The following RGS7 variants were observed in gnomAD, a reference collection of about 807,000 sequenced individuals.
The protein encoded by RGS7 is regulator of G protein signaling 7, also known as regulator of G-protein signaling 7.
RGS7 carries 27 observed loss-of-function variants against 81.1 expected under a neutral mutation model. The observed-to-expected ratio is 0.33, with a 90% CI of 0.25 to 0.46. RGS7 has a LOEUF of 0.46. Ranked by LOEUF, RGS7 falls within the 20% of genes least tolerant of loss-of-function variation. The pLI, the probability that RGS7 is intolerant of heterozygous loss-of-function variation, is 1.00. For missense variants in RGS7, 396 were observed against 607.4 expected (o/e 0.65, Z 3.66); for synonymous variants, 208 against 207.7 (o/e 1.00, Z -0.01).
rs139597193 is a variant in RGS7 at position 241,011,505 on chromosome 1, A to G, written c.176-28376T>C. Among the ~76,000 whole-genome samples, 3 of 152,320 alleles carry G rather than the reference A, an allele frequency of 2.0e-5. No individual in the cohort carries two copies. In the East Asian group the frequency reaches 5.8e-4, roughly 29 times the overall value. On this transcript the variant is annotated intron_variant, in intron 3 of 18. Transcript: ENST00000440928. ...AAGTTGTCTGCTGGGGGCTCTCCAC[A>G]GTGTGGATTGAGGGACCTTTAGATG... is the stretch of plus-strand genomic sequence containing the variant.
intron 9 of RGS7, among the ~76,000 whole-genome samples, chr1:240,857,747 T>G (rs1178640736): frequency 6.6e-6 from 1 of 152,098 alleles, no homozygotes; most frequent in East Asian, 1.9e-4. Context: ...TCTGATATGG[T>G]TTGGCTGTGT....
At chr1:240,848,959 C>G (rs975438133) in intron 9 of RGS7, among the ~76,000 whole-genome samples, 3 of 152,124 alleles carry the variant, frequency 2.0e-5, no homozygotes, top group African/African-American at 7.2e-5. Flanking sequence ...AAAATCCAAA[C>G]AGTGATGGGC....
At chr1:240,849,545 G>A (rs1029174261) in intron 9 of RGS7, among the ~76,000 whole-genome samples, 1 of 152,226 alleles carries the variant, frequency 6.6e-6, no homozygotes, top group Non-Finnish European at 1.5e-5. Flanking sequence ...GGAATCCCCA[G>A]TGTTGGAGGT....
intron 15 of RGS7, among the ~76,000 whole-genome samples, chr1:240,803,464 T>C (rs1342443): frequency 0.062 from 9,396 of 152,114 alleles, 342 homozygotes; most frequent in South Asian, 0.085. Flanking sequence ...TTGGTACAAA[T>C]TGCATGGAAA....
At chr1:241,244,171 A>T (rs939383132) in intron 2 of RGS7, among the ~76,000 whole-genome samples, 1 of 152,174 alleles carries the variant, frequency 6.6e-6, no homozygotes, top group African/African-American at 2.4e-5. Context: ...TGAACAGGCA[A>T]CCTACAGAAT....
At position 241,078,975 on chromosome 1, in the gene RGS7, A is replaced by G. The variant is rs752686305; in HGVS notation, c.175+19691T>C. On this transcript the variant is annotated intron_variant, in intron 3 of 18. Transcript: ENST00000440928. ...ACTTACATTTGAATGAGAATATCCAATCTTCTAAAAATTAACTGTAAACCA... is the reference window on the plus strand; with the variant it reads ...ACTTACATTTGAATGAGAATATCCAGTCTTCTAAAAATTAACTGTAAACCA... Among the ~76,000 whole-genome samples, 33 of 152,282 alleles carry G rather than the reference A, an allele frequency of 2.2e-4. 1 individual carries two copies. The highest frequency in any genetic ancestry group is 6.8e-3 in the Middle Eastern group (2 of 294).
rs541985288 is a variant in RGS7, at chr1:240,986,877, C to T, written c.176-3748G>A. 1.5e-3 allele frequency among the ~76,000 whole-genome samples: 2 copies of T among 1,362 alleles called. 1 individual carries two copies. The highest frequency in any genetic ancestry group is 2.8e-3 in the Non-Finnish European group (2 of 710). The allele number at this position is 1,362 out of a possible 152,430, so 0.9% of individuals were successfully genotyped here. ...GATTACAGGCGTGAGCCACCGCGCC[C>T]GGCCTAAACACCACTATTATTAAAC... On this transcript the variant is annotated intron_variant, in intron 3 of 18. Transcript: ENST00000440928.
At chr1:240,931,736 T>C (rs189317552) in intron 5 of RGS7, among the ~76,000 whole-genome samples, 55 of 152,336 alleles carry the variant, frequency 3.6e-4, no homozygotes, top group African/African-American at 1.2e-3. Context: ...CAATCTGCAA[T>C]AGGCAGAATC....
intron 3 of RGS7, among the ~76,000 whole-genome samples, chr1:241,075,693 G>A (rs1452374846): frequency 1.3e-5 from 2 of 152,202 alleles, no homozygotes; most frequent in African/African-American, 4.8e-5. Flanking sequence ...CATGCAGCCT[G>A]TGGGCCATGG....
At position 241,350,808 on chromosome 1, in the gene RGS7, C is replaced by T. The variant is rs180795613; in HGVS notation, c.78+4891G>A. ...TCACGACGGGGATTTCGGCGAGAAA[C>T]ATCGACACCCTCAGCGTTGACCAGA... On this transcript the variant is annotated intron_variant, in intron 2 of 18. Transcript: ENST00000440928. Among the ~76,000 whole-genome samples the T allele has an allele frequency of 5.7e-3, 847 of 147,368 alleles. 6 individuals are homozygous for T. The highest frequency in any genetic ancestry group is 6.9e-3 in the Non-Finnish European group (463 of 67,284).
intron 6 of RGS7, among the ~76,000 whole-genome samples, chr1:240,877,665 T>C (rs554961239): frequency 4.9e-4 from 75 of 152,316 alleles, no homozygotes; most frequent in African/African-American, 1.8e-3. Context: ...ATTGGACATT[T>C]GGGTGATAGC....
chr1:241,318,991 C>T (rs921386307), intron 2 of RGS7, among the ~76,000 whole-genome samples: 1 of 152,094 alleles, frequency 6.6e-6, no homozygotes, highest in South Asian at 2.1e-4. Context: ...TCAATTACTC[C>T]TCAGGAAGAC....
At chr1:240,990,605 C>T (rs1258736910) in intron 3 of RGS7, among the ~76,000 whole-genome samples, 1 of 152,172 alleles carries the variant, frequency 6.6e-6, no homozygotes, top group Non-Finnish European at 1.5e-5. Context: ...AGTATTGTTA[C>T]TTCTGGATTT....
intron 2 of RGS7, among the ~76,000 whole-genome samples, chr1:241,190,114 C>T (rs369447897): frequency 6.6e-6 from 1 of 151,782 alleles, no homozygotes; most frequent in East Asian, 1.9e-4. Flanking sequence ...AAAAAAAAAT[C>T]AACTGGTCCT....
At chr1:240,917,114 GTC>G (rs1456994684) in intron 6 of RGS7, among the ~76,000 whole-genome samples, 2 of 152,120 alleles carry the variant, frequency 1.3e-5, no homozygotes, top group African/African-American at 4.8e-5. Context: ...TAGATTTAAA[GTC>G]TCTAAAGAAA....
At chr1:241,252,410 T>A (rs1327798717) in intron 2 of RGS7, among the ~76,000 whole-genome samples, 2 of 152,186 alleles carry the variant, frequency 1.3e-5, no homozygotes, top group Non-Finnish European at 2.9e-5. Context: ...CTCACTACCA[T>A]GAGCCAGAGC....
intron 3 of RGS7, among the ~76,000 whole-genome samples, chr1:240,997,645 G>A (rs1687496232): frequency 6.6e-6 from 1 of 152,028 alleles, no homozygotes; most frequent in South Asian, 2.1e-4. Flanking sequence ...ACCAACATGG[G>A]GAAACCCCAT....
chr1:240,799,297 G>GTT (rs1558268587), intron 18 of RGS7, among the ~76,000 whole-genome samples: 1 of 146,288 alleles, frequency 6.8e-6, no homozygotes, highest in Non-Finnish European at 1.5e-5. Context: ...TTGTGTGTGT[G>GTT]TGTGTGTGTG....
intron 2 of RGS7, among the ~76,000 whole-genome samples, chr1:241,226,641 G>C (rs990773820): frequency 1.3e-5 from 2 of 152,152 alleles, no homozygotes; most frequent in Admixed American, 1.3e-4. Flanking sequence ...GATGGTGTTA[G>C]AAGAAGAAAT....
Sources: gnomAD v4.1 joint callset for allele counts (sites outside exome capture counted in the v4.1 genomes callset) on GRCh38, gnomAD v4.1.1 for gene constraint, MANE v1.5 for transcripts, NCBI Gene and HGNC (gene_info 2026-07-23, HGNC 2026-07-21) for gene names.